The following SNTG1 variants were observed in gnomAD, a reference collection of about 807,000 sequenced individuals.
SNTG1 encodes the protein syntrophin gamma 1.
A neutral mutation model predicts 74.7 loss-of-function variants in SNTG1; 39 were observed. That is an observed-to-expected ratio of 0.52 (90% confidence interval 0.40 to 0.68). SNTG1 has a LOEUF of 0.68. SNTG1 is among the 30% of genes least tolerant of loss of function. The probability of loss-of-function intolerance (pLI) is 0.00; values close to 1 mark genes in which losing one functional copy is unlikely to be tolerated. For synonymous variants in SNTG1, 254 were observed against 217.1 expected, an observed-to-expected ratio of 1.17 and a Z score of -1.49; for missense variants, 685 against 609.5, an observed-to-expected ratio of 1.12 and a Z score of -1.30.
chr8:50,644,994 G>A (rs1050709693), intron 13 of SNTG1, among the ~76,000 whole-genome samples: 3 of 150,252 alleles, frequency 2.0e-5, no homozygotes, highest in Admixed American at 1.3e-4. Context: ...AGGCTCAAGC[G>A]ATCTGCCCAC....
At chr8:50,181,003 A>G (rs1339507654) in intron 2 of SNTG1, among the ~76,000 whole-genome samples, 1 of 152,026 alleles carries the variant, frequency 6.6e-6, no homozygotes, top group East Asian at 1.9e-4. Context: ...GCCTCAGGTG[A>G]TCTGCCTGTT....
intron 2 of SNTG1, among the ~76,000 whole-genome samples, chr8:50,339,799 T>C (rs1406423551): frequency 6.6e-6 from 1 of 151,984 alleles, no homozygotes; most frequent in East Asian, 1.9e-4. Flanking sequence ...CATCCTACTA[T>C]GTCAACAATG....
At chr8:50,099,735 T>C (rs1445324539) in intron 1 of SNTG1, among the ~76,000 whole-genome samples, 1 of 152,174 alleles carries the variant, frequency 6.6e-6, no homozygotes, top group African/African-American at 2.4e-5. Flanking sequence ...CCCTGATGAA[T>C]AGTGATGTTG....
At position 50,122,828 on chromosome 8, in the gene SNTG1, A is replaced by C. The variant is rs1439338319; in HGVS notation, c.-102-49733A>C. On this transcript the variant is annotated intron_variant, in intron 1 of 18. Coordinates refer to ENST00000642720, the MANE Select transcript of SNTG1 (RefSeq NM_018967.5). The stretch of plus-strand genomic sequence containing the variant: ...AGTAGTTCTCCTCATAGAAAACCAA[A>C]TTGTATGAGCTCTCACAGGAAGAAT... 2.8e-5 allele frequency among the ~76,000 whole-genome samples: 4 copies of C among 142,546 alleles called. 2 individuals are homozygous for C. The highest frequency in any genetic ancestry group is 6.3e-5 in the Non-Finnish European group (4 of 63,924). The allele number at this position is 142,546 out of a possible 152,430, so 93.5% of individuals were successfully genotyped here.
intron 8 of SNTG1, among the ~76,000 whole-genome samples, chr8:50,481,664 T>C (rs562823380): frequency 1.3e-5 from 2 of 152,338 alleles, no homozygotes; most frequent in African/African-American, 4.8e-5. Context: ...ACTCTAGATG[T>C]CATGAAATAA....
intron 17 of SNTG1, among the ~76,000 whole-genome samples, chr8:50,713,334 C>G (rs889095111): frequency 4.6e-5 from 7 of 152,104 alleles, no homozygotes; most frequent in African/African-American, 1.7e-4. Flanking sequence ...CCTTCATCCA[C>G]TTTTTGATGG....
chr8:50,266,682 G>GTATATATA (rs1341606847), intron 2 of SNTG1, among the ~76,000 whole-genome samples: 149 of 137,436 alleles, frequency 1.1e-3, no homozygotes, highest in African/African-American at 3.0e-3. Context: ...GTGTGTGTGT[G>GTATATATA]TGTATATATA....
chr8:50,192,601 T>G (rs751606250), intron 2 of SNTG1, among the ~76,000 whole-genome samples: 4 of 152,150 alleles, frequency 2.6e-5, no homozygotes, highest in Non-Finnish European at 5.9e-5. Flanking sequence ...ACTCTGTGGG[T>G]TGTCTGTTTA....
intron 8 of SNTG1, among the ~76,000 whole-genome samples, chr8:50,465,281 C>T (rs1161454078): frequency 6.6e-6 from 1 of 152,054 alleles, no homozygotes; most frequent in Non-Finnish European, 1.5e-5. Flanking sequence ...TCAGAATAAG[C>T]CACTCCACAA....
At chr8:50,751,969 C>T in intron 17 of SNTG1, 32 bp from the exon 18 acceptor site, 1 of 1,321,900 alleles carries the variant, frequency 7.6e-7, no homozygotes, top group Non-Finnish European at 1.0e-6. Context: ...ATTAATTCCA[C>T]CGACTTACAT....
At chr8:50,790,527 A>G (rs1422100258) in intron 18 of SNTG1, among the ~76,000 whole-genome samples, 3 of 151,956 alleles carry the variant, frequency 2.0e-5, no homozygotes, top group East Asian at 3.9e-4. Flanking sequence ...CAGGTCTAGT[A>G]CTCACATAAG....
chr8:50,570,496 T>C (rs1280460781), intron 12 of SNTG1, among the ~76,000 whole-genome samples: 1 of 149,258 alleles, frequency 6.7e-6, no homozygotes, highest in Non-Finnish European at 1.5e-5. Context: ...TAACCTCAGG[T>C]GATCCACCCA....
At chr8:50,381,592 G>GTATA (rs55881205) in intron 2 of SNTG1, among the ~76,000 whole-genome samples, 24 of 98,004 alleles carry the variant, frequency 2.4e-4, no homozygotes, top group South Asian at 1.0e-3. Context: ...GTGTGTGTGT[G>GTATA]TATATATATA....
chr8:50,335,553 T>C (rs2130904268), intron 2 of SNTG1, among the ~76,000 whole-genome samples: 1 of 152,334 alleles, frequency 6.6e-6, no homozygotes, highest in South Asian at 2.1e-4. Flanking sequence ...TCTGTGTTCA[T>C]GGCCCCTATA....
intron 1 of SNTG1, among the ~76,000 whole-genome samples, chr8:49,943,429 G>A (rs973948081): frequency 6.6e-6 from 1 of 152,200 alleles, no homozygotes; most frequent in African/African-American, 2.4e-5. Context: ...AATGTTAATG[G>A]CTTCACATCT....
chr8:50,775,824 A>G (rs2095639212), intron 18 of SNTG1, among the ~76,000 whole-genome samples: 1 of 151,554 alleles, frequency 6.6e-6, no homozygotes, highest in Non-Finnish European at 1.5e-5. Context: ...TAGAGTTGAT[A>G]TGTTTTTCTT....
At chr8:50,481,240 G>C (rs2093737661) in intron 8 of SNTG1, among the ~76,000 whole-genome samples, 2 of 152,118 alleles carry the variant, frequency 1.3e-5, no homozygotes, top group Admixed American at 1.3e-4. Context: ...AATTAGCCGG[G>C]TATGGTGGTG....
intron 2 of SNTG1, among the ~76,000 whole-genome samples, chr8:50,303,847 C>T (rs1045851828): frequency 2.6e-5 from 4 of 152,102 alleles, no homozygotes; most frequent in African/African-American, 4.8e-5. Flanking sequence ...ATATTAACAA[C>T]TCCATTTGAT....
chr8:49,925,156 A>T (rs1806907889), intron 1 of SNTG1, among the ~76,000 whole-genome samples: 1 of 152,182 alleles, frequency 6.6e-6, no homozygotes. Context: ...CTGTCTCTAA[A>T]AAAGTAAATA....
Sources: allele counts gnomAD v4.1 joint callset (sites outside exome capture counted in the v4.1 genomes callset), GRCh38; gene constraint gnomAD v4.1.1; transcripts MANE v1.5; gene names NCBI Gene and HGNC (gene_info 2026-07-23, HGNC 2026-07-21).